NCOA2: variants seen among roughly 807,000 people sequenced by gnomAD.
NCOA2 encodes class E basic helix-loop-helix protein 75.
In NCOA2, 21 loss-of-function variants were observed where a neutral mutation model predicts 145.1. The observed-to-expected ratio is 0.14, with a 90% CI of 0.10 to 0.21. The LOEUF is 0.21. NCOA2 is among the 10% of genes least tolerant of loss of function. NCOA2 has a pLI of 1.00. For synonymous variants in NCOA2, 619 were observed against 637.5 expected, an observed-to-expected ratio of 0.97 and a Z score of 0.44; for missense variants, 1,472 against 1,837.6, an observed-to-expected ratio of 0.80 and a Z score of 3.64.
At chr8:70,278,565 C>A (rs1485608249) in intron 2 of NCOA2, among the ~76,000 whole-genome samples, 1 of 152,094 alleles carries the variant, frequency 6.6e-6, no homozygotes. Context: ...CTGCCACTAC[C>A]CCTCAGTTCA....
At chr8:70,286,261 A>C (rs1261627472) in intron 2 of NCOA2, among the ~76,000 whole-genome samples, 4 of 152,106 alleles carry the variant, frequency 2.6e-5, no homozygotes, top group Non-Finnish European at 5.9e-5. Context: ...AAAAATAAAA[A>C]ATTAGCTGGG....
At position 70,316,286 on chromosome 8, in the gene NCOA2, G is replaced by A. The variant is rs186968961; in HGVS notation, c.-76-19486C>T. Among the ~76,000 whole-genome samples the A allele has an allele frequency of 3.9e-5, 6 of 152,218 alleles. No individual in the cohort carries two copies. In the South Asian group the frequency reaches 1.2e-3, roughly 32 times the overall value. On this transcript the variant is annotated intron_variant, in intron 1 of 22. Transcript: ENST00000452400. ...TTTGGAGACTGAACTGGTTTATGAGGGCTCAAACTTGTTCAATGAGCTGTT... is the reference window on the plus strand; with the variant it reads ...TTTGGAGACTGAACTGGTTTATGAGAGCTCAAACTTGTTCAATGAGCTGTT...
At chr8:70,386,470 AGTG>A (rs1812673392) in intron 1 of NCOA2, among the ~76,000 whole-genome samples, 1 of 152,146 alleles carries the variant, frequency 6.6e-6, no homozygotes, top group Admixed American at 6.5e-5. Flanking sequence ...ATTACTTATA[AGTG>A]GCTTTCAGGG....
intron 4 of NCOA2, among the ~76,000 whole-genome samples, chr8:70,195,947 A>G (rs1817257390): frequency 6.6e-6 from 1 of 152,250 alleles, no homozygotes; most frequent in African/African-American, 2.4e-5. Context: ...TATAGGGGAC[A>G]TCATTCATTG....
Position 70,112,405 on chromosome 8 carries a change from G to T in NCOA2, c.*1227C>A, listed in dbSNP as rs892941406. The T allele has an allele frequency of 6.7e-5, 13 of 193,612 alleles. 1 individual carries two copies. The highest frequency in any genetic ancestry group is 4.9e-4 in the Admixed American group (8 of 16,382). The allele number at this position is 193,612 out of a possible 1,614,324, so 12.0% of individuals were successfully genotyped here. ...TTATTGCTTGTTTACATATAAATTG[G>T]ATTTTATGTACCTTACAAAACTTCG... is the stretch of plus-strand genomic sequence containing the variant. On this transcript the variant is annotated 3_prime_UTR_variant, in exon 23 of 23. Coordinates refer to ENST00000452400, the MANE Select transcript of NCOA2 (RefSeq NM_006540.4).
intron 4 of NCOA2, among the ~76,000 whole-genome samples, chr8:70,175,500 G>A (rs1025528191): frequency 1.3e-5 from 2 of 152,230 alleles, no homozygotes; most frequent in Admixed American, 6.5e-5. Context: ...GCAGAAAGGC[G>A]CGTAGCGTGC....
chr8:70,178,831 C>A (rs1335919345), intron 4 of NCOA2, among the ~76,000 whole-genome samples: 6 of 152,110 alleles, frequency 3.9e-5, no homozygotes, highest in Admixed American at 3.9e-4. Flanking sequence ...TGGCATCGGG[C>A]CACTACAAAA....
chr8:70,253,413 C>T (rs1823365353), intron 2 of NCOA2, among the ~76,000 whole-genome samples: 1 of 152,012 alleles, frequency 6.6e-6, no homozygotes, highest in Admixed American at 6.5e-5. Flanking sequence ...AATAGAAGAG[C>T]AGGCAAAACC....
the NCOA2 span, among the ~76,000 whole-genome samples, chr8:70,426,854 A>T: frequency 6.6e-6 from 1 of 152,204 alleles, no homozygotes; most frequent in Admixed American, 6.5e-5. Context: ...GTGCAGTGTC[A>T]CTGTCATAGC....
At chr8:70,413,470 T>G in the NCOA2 span, among the ~76,000 whole-genome samples, 1 of 152,184 alleles carries the variant, frequency 6.6e-6, no homozygotes, top group Non-Finnish European at 1.5e-5. Flanking sequence ...AATGCAAGTT[T>G]TATAAAACCC....
chr8:70,119,507 G>A (rs1316037969), intron 22 of NCOA2, among the ~76,000 whole-genome samples: 1 of 152,158 alleles, frequency 6.6e-6, no homozygotes, highest in East Asian at 1.9e-4. Context: ...TGTGAATAGT[G>A]CTGCAATAAC....
intron 12 of NCOA2, among the ~76,000 whole-genome samples, chr8:70,147,493 TTATC>T (rs1563523057): frequency 2.0e-5 from 3 of 152,208 alleles, no homozygotes; most frequent in Non-Finnish European, 2.9e-5. Context: ...GCTGAAGAGG[TTATC>T]TATCTTTCAT....
intron 1 of NCOA2, among the ~76,000 whole-genome samples, chr8:70,329,195 A>C (rs780855985): frequency 6.6e-6 from 1 of 152,060 alleles, no homozygotes; most frequent in Non-Finnish European, 1.5e-5. Flanking sequence ...ATCACAGCTC[A>C]CCGTAGCCCC....
the NCOA2 span, among the ~76,000 whole-genome samples, chr8:70,413,516 T>C: frequency 3.3e-5 from 5 of 152,158 alleles, no homozygotes; most frequent in African/African-American, 7.2e-5. Flanking sequence ...TCAGTTACAG[T>C]TGGGATAGAA....
the NCOA2 span, among the ~76,000 whole-genome samples, chr8:70,416,124 T>C: frequency 6.6e-6 from 1 of 151,998 alleles, no homozygotes; most frequent in African/African-American, 2.4e-5. Flanking sequence ...CAAGAGTTGA[T>C]GTTGCAGTCT....
At chr8:70,204,038 G>T (rs1357654239) in intron 4 of NCOA2, among the ~76,000 whole-genome samples, 1 of 150,840 alleles carries the variant, frequency 6.6e-6, no homozygotes, top group Non-Finnish European at 1.5e-5. Flanking sequence ...TTAAGATGAG[G>T]TCTCGCTCTA....
At chr8:70,442,091 AAG>A in the NCOA2 span, among the ~76,000 whole-genome samples, 2 of 150,122 alleles carry the variant, frequency 1.3e-5, no homozygotes, top group Non-Finnish European at 3.0e-5. Context: ...AAAGAGAAGA[AAG>A]AAAGAAGAAA....
At chr8:70,250,246 G>T (rs184144014) in intron 2 of NCOA2, among the ~76,000 whole-genome samples, 5 of 151,808 alleles carry the variant, frequency 3.3e-5, no homozygotes, top group African/African-American at 1.2e-4. Flanking sequence ...ACAAAAATTA[G>T]GCAGGTGTGG....
intron 1 of NCOA2, among the ~76,000 whole-genome samples, chr8:70,353,510 T>C (rs906425016): frequency 2.7e-5 from 4 of 148,862 alleles, no homozygotes; most frequent in Admixed American, 1.4e-4. Context: ...GAAGAGACCT[T>C]AGAAATCAAA....
Sources: gnomAD v4.1 joint callset for allele counts (sites outside exome capture counted in the v4.1 genomes callset) on GRCh38, gnomAD v4.1.1 for gene constraint, MANE v1.5 for transcripts, NCBI Gene and HGNC (gene_info 2026-07-23, HGNC 2026-07-21) for gene names.